The following DRG1 variants were observed in gnomAD, a reference collection of about 807,000 sequenced individuals.
The protein encoded by DRG1 is developmentally-regulated GTP-binding protein 1.
A neutral mutation model predicts 38.8 loss-of-function variants in DRG1; 19 were observed. The ratio of observed to expected loss-of-function variants is 0.49; its 90% CI spans 0.34 to 0.72. The LOEUF (loss-of-function observed/expected upper bound fraction) is 0.72, where lower values mean the gene tolerates loss of function less well. Ranked by LOEUF, DRG1 falls within the 30% of genes least tolerant of loss-of-function variation. The probability of loss-of-function intolerance (pLI) is 0.01; values close to 1 mark genes in which losing one functional copy is unlikely to be tolerated. For missense variants in DRG1, 299 were observed against 444.8 expected (o/e 0.67, Z 2.95); for synonymous variants, 167 against 157.5 (o/e 1.06, Z -0.45).
At chr22:31,412,467 C>T (rs12158643) in intron 4 of DRG1, among the ~76,000 whole-genome samples, 21 of 149,586 alleles carry the variant, frequency 1.4e-4, no homozygotes, top group African/African-American at 4.9e-4. Context: ...TCTCCTGCCT[C>T]AGCCTCCTGA....
intron 3 of DRG1, among the ~76,000 whole-genome samples, chr22:31,409,783 C>T (rs550308646): frequency 6.6e-6 from 1 of 152,124 alleles, no homozygotes; most frequent in East Asian, 1.9e-4. Flanking sequence ...TGCCTGAGCT[C>T]AGGAGTTCGA....
intron 4 of DRG1, among the ~76,000 whole-genome samples, chr22:31,417,112 C>T (rs981867890): frequency 6.6e-6 from 1 of 151,680 alleles, no homozygotes; most frequent in Non-Finnish European, 1.5e-5. Context: ...TGGCTCACAC[C>T]TGTAATTCCA....
chr22:31,418,903 A>G (rs146590612), intron 4 of DRG1, among the ~76,000 whole-genome samples: 28 of 152,140 alleles, frequency 1.8e-4, no homozygotes, highest in Non-Finnish European at 3.4e-4. Flanking sequence ...GGATGGTCTC[A>G]ATCAGCTCAC....
At chr22:31,419,040 C>T (rs2050060649) in intron 4 of DRG1, among the ~76,000 whole-genome samples, 1 of 152,128 alleles carries the variant, frequency 6.6e-6, no homozygotes, top group Non-Finnish European at 1.5e-5. Flanking sequence ...GTCTCAAGCT[C>T]CTGACCTCAG....
At position 31,411,066 on chromosome 22, in the gene DRG1, C is replaced by T; in HGVS notation, c.397C>T (p.Arg133Cys). The stretch of plus-strand genomic sequence containing the variant: ...TGCCAAGGATGGGAAAGGTAGAGGT[C>T]GTCAAGTCATTGCAGGTGAGTGGTT... ...EGAKDGKGRG[R>C]QVIAVARTCN... Residue 133 changes from arginine (R) to cysteine (C), a missense_variant, in exon 4 of 9, where the codon CGT becomes TGT. Physicochemically the swap from Arg to Cys is radical, Grantham distance 180. Coordinates refer to ENST00000331457, the MANE Select transcript of DRG1 (RefSeq NM_004147.4). 2.5e-6 allele frequency: 4 copies of T among 1,613,794 alleles called. No individual in the cohort carries two copies. The highest frequency in any genetic ancestry group is 1.1e-5 in the South Asian group (1 of 91,046).
intron 4 of DRG1, 102 bp downstream of exon 4, chr22:31,411,183 G>C (rs1043195634): frequency 1.6e-6 from 2 of 1,241,148 alleles, no homozygotes; most frequent in Non-Finnish European, 2.3e-6. Flanking sequence ...CACAGTGAAG[G>C]GCATAGTTTC....
intron 8 of DRG1, among the ~76,000 whole-genome samples, chr22:31,432,938 A>G (rs995271913): frequency 3.3e-5 from 5 of 151,716 alleles, no homozygotes; most frequent in Non-Finnish European, 7.4e-5. Context: ...CTCTTGGTAC[A>G]TAGTTCTTAG....
At chr22:31,422,227 T>G (rs2050081064) in intron 5 of DRG1, among the ~76,000 whole-genome samples, 1 of 150,158 alleles carries the variant, frequency 6.7e-6, no homozygotes, top group South Asian at 2.1e-4. Flanking sequence ...AGGTCAGGAG[T>G]TGGAGGCCAG....
intron 8 of DRG1, 84 bp from the exon 9 acceptor site, chr22:31,433,788 C>A: frequency 1.7e-6 from 2 of 1,212,112 alleles, no homozygotes; most frequent in Non-Finnish European, 2.4e-6. Flanking sequence ...GATACTAAAT[C>A]TGAGCAGAAG....
intron 3 of DRG1, among the ~76,000 whole-genome samples, chr22:31,410,678 G>C (rs1464017934): frequency 2.6e-5 from 4 of 152,128 alleles, no homozygotes; most frequent in Non-Finnish European, 4.4e-5. Flanking sequence ...TTGCCAGCGT[G>C]GTGGCAGGTA....
Position 31,423,341 on chromosome 22 carries a change from A to G in DRG1, c.644A>G (p.His215Arg), listed in dbSNP as rs1271868471. Residue 215 changes from histidine to arginine, a missense_variant, in exon 6 of 9, where the codon CAT (histidine) becomes CGT (arginine). By Grantham distance (29) the His-to-Arg change is conservative. Around this residue, in one of 3 missense-constraint regions of DRG1, gnomAD observed 198 missense variants for 268.1 expected, o/e 0.74. Coordinates refer to ENST00000331457, the MANE Select transcript of DRG1 (RefSeq NM_004147.4). ...VKSILAEYKI[H>R]NADVTLRSDA... ...AGCATTCTGGCTGAATACAAGATTC[A>G]TAATGCCGATGTGACTCTACGTAGT... The G allele has an allele frequency of 6.2e-7, 1 of 1,614,138 alleles. No individual in the cohort carries two copies. The highest frequency in any genetic ancestry group is 2.2e-5 in the East Asian group (1 of 44,882).
chr22:31,412,681 A>G (rs1029844975), intron 4 of DRG1, among the ~76,000 whole-genome samples: 2 of 149,900 alleles, frequency 1.3e-5, no homozygotes, highest in Admixed American at 6.6e-5. Context: ...ATTTTGCTGG[A>G]TATTTGGTGG....
intron 3 of DRG1, among the ~76,000 whole-genome samples, chr22:31,406,383 C>CT (rs757118761): frequency 1.3e-5 from 2 of 152,174 alleles, no homozygotes; most frequent in East Asian, 1.9e-4. Context: ...TATAAATGCA[C>CT]TTTCTTTTCC....
At chr22:31,400,570 G>A (rs745483537) in intron 1 of DRG1, 50 bp from the exon 2 acceptor site, 10 of 1,596,640 alleles carry the variant, frequency 6.3e-6, no homozygotes, top group Non-Finnish European at 8.6e-6. Flanking sequence ...CTCAAAGCTG[G>A]GGGAAGCGTT....
chr22:31,416,859 C>T (rs2050046915), intron 4 of DRG1, among the ~76,000 whole-genome samples: 1 of 149,682 alleles, frequency 6.7e-6, no homozygotes. Context: ...GCGGAAATTG[C>T]ACCATTGCAC....
At chr22:31,424,242 C>G (rs1384322762) in intron 6 of DRG1, among the ~76,000 whole-genome samples, 5 of 151,620 alleles carry the variant, frequency 3.3e-5, no homozygotes, top group Non-Finnish European at 7.4e-5. Context: ...TCCTCCGCCT[C>G]CCAGGTTCAA....
intron 6 of DRG1, 90 bp downstream of exon 6, chr22:31,423,500 C>T: frequency 1.3e-4 from 118 of 899,318 alleles, no homozygotes; most frequent in South Asian, 4.6e-4. Context: ...AGAAGTTTAT[C>T]TTAATTCCAG....
At chr22:31,416,288 C>CA (rs1206435259) in intron 4 of DRG1, among the ~76,000 whole-genome samples, 6 of 151,660 alleles carry the variant, frequency 4.0e-5, no homozygotes, top group East Asian at 1.9e-4. Context: ...AGAAAGCAAA[C>CA]AAAAAAAAGA....
rs1186867620 is a variant in DRG1, at chr22:31,420,354, C to T, written c.511C>T (p.Arg171Cys). 6.2e-6 allele frequency: 10 copies of T among 1,614,088 alleles called. No homozygotes were observed. The highest frequency in any genetic ancestry group is 1.3e-5 in the African/African-American group (1 of 75,022). Residue 171 changes from arginine (R) to cysteine (C), a missense_variant, in exon 5 of 9, where the codon CGC becomes TGC. Physicochemically the swap from Arg to Cys is radical, Grantham distance 180 (BLOSUM62 -3). This residue lies in a region of DRG1 where 198 missense variants were observed against 268.1 expected (regional missense o/e 0.74). Transcript: ENST00000331457. The part of the protein sequence containing the change: ...IENELEGFGI[R>C]LNSKPPNIGF... The stretch of plus-strand genomic sequence containing the variant: ...AAATGAGCTGGAAGGCTTTGGCATT[C>T]GCTTGAACAGCAAACCCCCCAACAT...
Sources: allele counts gnomAD v4.1 joint callset (sites outside exome capture counted in the v4.1 genomes callset), GRCh38; gene constraint gnomAD v4.1.1; regional missense constraint gnomAD v4.1.1; transcripts MANE v1.5; gene names NCBI Gene and HGNC (gene_info 2026-07-23, HGNC 2026-07-21).